NUBPL: variants seen among roughly 807,000 people sequenced by gnomAD.
NUBPL encodes the protein NUBP iron-sulfur cluster assembly factor, mitochondrial.
Under a neutral mutation model 45.7 loss-of-function variants are expected in NUBPL, and 31 were observed. The ratio of observed to expected loss-of-function variants is 0.68; its 90% confidence interval spans 0.51 to 0.92. NUBPL has a LOEUF of 0.92. NUBPL is among the 40% of genes least tolerant of loss of function. NUBPL has a pLI of 0.00. For missense variants in NUBPL, 401 were observed against 398.7 expected (o/e 1.01, Z -0.05); for synonymous variants, 144 against 140.9 (o/e 1.02, Z -0.15).
intron 10 of NUBPL, among the ~76,000 whole-genome samples, chr14:31,853,898 C>G (rs962471556): frequency 3.9e-5 from 6 of 152,096 alleles, no homozygotes; most frequent in African/African-American, 1.4e-4. Context: ...ACTGTTGATG[C>G]AATTAAAACT....
intron 10 of NUBPL, among the ~76,000 whole-genome samples, chr14:31,855,050 G>A (rs1448827926): frequency 6.6e-6 from 1 of 151,740 alleles, no homozygotes; most frequent in Non-Finnish European, 1.5e-5. Context: ...GATTGTTCTG[G>A]AATTATTCAG....
In NUBPL at chr14:31,858,480, C is replaced by A. The variant is rs183246061; in HGVS notation, c.898-638C>A. ...AACTCTTAAAATGCAAATATCATTA[C>A]CATGCAGGCATTAGGTTAGCTTGTG... is the stretch of plus-strand genomic sequence containing the variant. On this transcript the variant is annotated intron_variant, in intron 10 of 10. Coordinates refer to ENST00000281081, the MANE Select transcript of NUBPL (RefSeq NM_025152.3). Among the ~76,000 whole-genome samples, 198 of 152,316 alleles carry A rather than the reference C, an allele frequency of 1.3e-3. 2 individuals carry two copies. Among genetic ancestry groups the A allele is most frequent in the Admixed American group, 0.012 (185 of 15,300 alleles).
intron 4 of NUBPL, among the ~76,000 whole-genome samples, chr14:31,635,200 T>C (rs2035457131): frequency 6.6e-6 from 1 of 151,892 alleles, no homozygotes; most frequent in East Asian, 1.9e-4. Context: ...CTAGGTTTTC[T>C]TCTAGGGTTT....
chr14:31,786,143 G>GC (rs1387747910), intron 6 of NUBPL, among the ~76,000 whole-genome samples: 1 of 151,332 alleles, frequency 6.6e-6, no homozygotes, highest in African/African-American at 2.5e-5. Context: ...GGGTGATAGA[G>GC]CGAGACCCTG....
chr14:31,806,524 T>G (rs1233629172), intron 7 of NUBPL, among the ~76,000 whole-genome samples: 1 of 152,134 alleles, frequency 6.6e-6, no homozygotes, highest in Non-Finnish European at 1.5e-5. Flanking sequence ...CTCCCCAAGG[T>G]GTTTGCTGAT....
intron 6 of NUBPL, among the ~76,000 whole-genome samples, chr14:31,697,988 G>GACTTGAA (rs1379331415): frequency 6.6e-6 from 1 of 152,156 alleles, no homozygotes; most frequent in East Asian, 1.9e-4. Flanking sequence ...CAGATCCCAA[G>GACTTGAA]CAGGCGATGA....
chr14:31,760,126 AGTGT>A (rs147699444), intron 6 of NUBPL, among the ~76,000 whole-genome samples: 8 of 29,816 alleles, frequency 2.7e-4, no homozygotes, highest in Non-Finnish European at 3.7e-4. Context: ...TTCTGACTTT[AGTGT>A]GTGTGTGTGT....
intron 4 of NUBPL, among the ~76,000 whole-genome samples, chr14:31,643,229 T>C (rs2035755066): frequency 6.6e-6 from 1 of 152,178 alleles, no homozygotes. Context: ...TCTTGTCTTG[T>C]TCCAGATCTT....
intron 10 of NUBPL, among the ~76,000 whole-genome samples, chr14:31,858,041 GT>G (rs1263614902): frequency 1.3e-5 from 2 of 152,166 alleles, no homozygotes; most frequent in Non-Finnish European, 2.9e-5. Context: ...AAAGAAAGAG[GT>G]TTATTGGACT....
At chr14:31,733,914 G>C (rs767839853) in intron 6 of NUBPL, among the ~76,000 whole-genome samples, 2 of 152,092 alleles carry the variant, frequency 1.3e-5, no homozygotes, top group Non-Finnish European at 2.9e-5. Flanking sequence ...TTATTTCATC[G>C]ACATCATCCA....
intron 6 of NUBPL, among the ~76,000 whole-genome samples, chr14:31,692,284 T>C (rs182230433): frequency 6.6e-6 from 1 of 152,330 alleles, no homozygotes; most frequent in Admixed American, 6.5e-5. Flanking sequence ...TTTTTTTTCC[T>C]CCTGAATTGT....
intron 8 of NUBPL, among the ~76,000 whole-genome samples, chr14:31,832,824 A>G (rs10139914): frequency 2.0e-5 from 3 of 152,030 alleles, no homozygotes; most frequent in African/African-American, 7.3e-5. Flanking sequence ...TATCTATTCT[A>G]TGCCTTAGTT....
At chr14:31,725,812 C>T (rs572721117) in intron 6 of NUBPL, among the ~76,000 whole-genome samples, 172 of 137,250 alleles carry the variant, frequency 1.3e-3, no homozygotes, top group African/African-American at 4.2e-3. Flanking sequence ...CGGGTTTAAA[C>T]GATTTTCCTG....
chr14:31,858,517 G>A (rs936241004), intron 10 of NUBPL, among the ~76,000 whole-genome samples: 2 of 152,148 alleles, frequency 1.3e-5, no homozygotes, highest in Admixed American at 1.3e-4. Context: ...CCCACTCTGT[G>A]GCTTAAGAGC....
At chr14:31,732,076 C>T (rs900525392) in intron 6 of NUBPL, among the ~76,000 whole-genome samples, 4 of 151,362 alleles carry the variant, frequency 2.6e-5, no homozygotes, top group South Asian at 2.1e-4. Context: ...TGCCTGTAAT[C>T]GCAGCTACTT....
chr14:31,688,360 G>A (rs997498005), intron 6 of NUBPL, among the ~76,000 whole-genome samples: 4 of 151,918 alleles, frequency 2.6e-5, no homozygotes, highest in Admixed American at 2.6e-4. Flanking sequence ...GGCAGATCAT[G>A]AAGTCAGGAG....
At chr14:31,730,482 G>A (rs79018970) in intron 6 of NUBPL, among the ~76,000 whole-genome samples, 1 of 83,936 alleles carries the variant, frequency 1.2e-5, no homozygotes, top group Non-Finnish European at 2.4e-5. Context: ...TTTTTTTTTT[G>A]AGATGGAGTC....
At chr14:31,699,892 A>C (rs765835274) in intron 6 of NUBPL, among the ~76,000 whole-genome samples, 3 of 152,196 alleles carry the variant, frequency 2.0e-5, no homozygotes, top group Non-Finnish European at 2.9e-5. Flanking sequence ...TAATTCATTT[A>C]TTAAGTATAG....
chr14:31,656,301 T>C (rs2036139416), intron 4 of NUBPL, among the ~76,000 whole-genome samples: 1 of 152,164 alleles, frequency 6.6e-6, no homozygotes, highest in Non-Finnish European at 1.5e-5. Context: ...CTGTTTTGCT[T>C]TCTTTTTATT....
Sources: gnomAD v4.1 joint callset for allele counts (sites outside exome capture counted in the v4.1 genomes callset) on GRCh38, gnomAD v4.1.1 for gene constraint, MANE v1.5 for transcripts, NCBI Gene and HGNC (gene_info 2026-07-23, HGNC 2026-07-21) for gene names.